HMCN1: variants seen among roughly 807,000 people sequenced by gnomAD.
HMCN1 encodes the protein hemicentin-1.
A neutral mutation model predicts 625.9 loss-of-function variants in HMCN1; 321 were observed. The observed-to-expected ratio is 0.51, with a 90% CI of 0.47 to 0.56. HMCN1 has a LOEUF of 0.56. HMCN1 is among the 20% of genes least tolerant of loss of function. HMCN1 has a pLI of 0.00. For missense variants in HMCN1, 6,588 were observed against 6,887.3 expected (o/e 0.96, Z 1.54); for synonymous variants, 2,425 against 2,417.6 (o/e 1.00, Z -0.09).
At chr1:185,993,473 A>G (rs548254806) in intron 23 of HMCN1, 164 bp downstream of exon 23, 1 of 683,094 alleles carries the variant, frequency 1.5e-6, no homozygotes, top group Admixed American at 2.5e-5. Context: ...TTACTCTGAA[A>G]AGTCTTCCTG....
chr1:185,938,187 A>G (rs988921561), intron 11 of HMCN1, among the ~76,000 whole-genome samples: 2 of 152,132 alleles, frequency 1.3e-5, no homozygotes, highest in African/African-American at 4.8e-5. Context: ...GATTGAAACT[A>G]AAGAAATAGT....
intron 1 of HMCN1, among the ~76,000 whole-genome samples, chr1:185,774,089 T>G (rs1656432520): frequency 6.6e-6 from 1 of 152,150 alleles, no homozygotes; most frequent in African/African-American, 2.4e-5. Context: ...TATAGAATAA[T>G]TACTAGGATG....
At chr1:186,098,424 A>G (rs1277470583) in intron 68 of HMCN1, among the ~76,000 whole-genome samples, 1 of 152,192 alleles carries the variant, frequency 6.6e-6, no homozygotes, top group African/African-American at 2.4e-5. Flanking sequence ...AATGGCCAAG[A>G]GGTATATGAA....
At chr1:185,875,802 T>C (rs1234145513) in intron 4 of HMCN1, among the ~76,000 whole-genome samples, 1 of 152,136 alleles carries the variant, frequency 6.6e-6, no homozygotes, top group Non-Finnish European at 1.5e-5. Context: ...TTTCTTTTTT[T>C]CTGGTCATAA....
intron 52 of HMCN1, 139 bp from the exon 53 acceptor site, chr1:186,074,602 G>A: frequency 1.4e-6 from 1 of 728,484 alleles, no homozygotes; most frequent in South Asian, 1.8e-5. Context: ...CAATTATTTT[G>A]ATTAAACTAT....
At chr1:185,894,960 T>A (rs1247768117) in intron 4 of HMCN1, among the ~76,000 whole-genome samples, 1 of 152,192 alleles carries the variant, frequency 6.6e-6, no homozygotes, top group Non-Finnish European at 1.5e-5. Flanking sequence ...TGTGGAAATC[T>A]ACTGACCATT....
chr1:185,828,202 C>T (rs1660640811), intron 1 of HMCN1, among the ~76,000 whole-genome samples: 1 of 152,022 alleles, frequency 6.6e-6, no homozygotes, highest in Non-Finnish European at 1.5e-5. Context: ...ACAGAACAGA[C>T]TGTAATGCAA....
chr1:186,029,066 T>G (rs1004017471), intron 36 of HMCN1, among the ~76,000 whole-genome samples: 60 of 152,056 alleles, frequency 3.9e-4, no homozygotes, highest in African/African-American at 1.4e-3. Flanking sequence ...GAAACTACCT[T>G]GAGGACATCT....
intron 35 of HMCN1, among the ~76,000 whole-genome samples, chr1:186,019,996 G>A (rs566364186): frequency 6.6e-6 from 1 of 151,860 alleles, no homozygotes; most frequent in Non-Finnish European, 1.5e-5. Context: ...GATGAATGAT[G>A]TTCATCAGTA....
chr1:185,886,414 G>A (rs1664653717), intron 4 of HMCN1, among the ~76,000 whole-genome samples: 1 of 152,024 alleles, frequency 6.6e-6, no homozygotes, highest in African/African-American at 2.4e-5. Flanking sequence ...TAGGTCCTAT[G>A]AAACTTGAAA....
chr1:186,081,558 C>A (rs1659173038), intron 56 of HMCN1, among the ~76,000 whole-genome samples, 164 bp downstream of exon 56: 1 of 152,150 alleles, frequency 6.6e-6, no homozygotes, highest in Non-Finnish European at 1.5e-5. Flanking sequence ...CTTCCTCATT[C>A]TATTCCCACT....
At chr1:185,768,317 A>G (rs1656001999) in intron 1 of HMCN1, among the ~76,000 whole-genome samples, 1 of 152,128 alleles carries the variant, frequency 6.6e-6, no homozygotes, top group Non-Finnish European at 1.5e-5. Flanking sequence ...TGTGTATTTC[A>G]GTCATAGATT....
intron 36 of HMCN1, among the ~76,000 whole-genome samples, chr1:186,035,921 T>G (rs1292552086): frequency 2.6e-5 from 4 of 152,188 alleles, no homozygotes; most frequent in Admixed American, 6.5e-5. Flanking sequence ...ACTGTATTTT[T>G]TGTTTCACTA....
chr1:186,125,126 GTATT>G (rs1489862627), intron 81 of HMCN1, among the ~76,000 whole-genome samples: 4 of 152,040 alleles, frequency 2.6e-5, no homozygotes, highest in Admixed American at 1.3e-4. Flanking sequence ...ACTGCAATAA[GTATT>G]TTTTTTTCTA....
In HMCN1 at chr1:186,114,044, G is replaced by A. The variant is rs1157110744; in HGVS notation, c.11197G>A (p.Glu3733Lys). 1 of 1,614,144 alleles carries A rather than the reference G, an allele frequency of 6.2e-7. No homozygotes were observed. Among genetic ancestry groups the A allele is most frequent in the South Asian group, 1.1e-5 (1 of 91,078 alleles). ...VILLNKSTVL[E>K]CIAEGVPTPR... is the part of the protein sequence containing the mutation. The stretch of plus-strand genomic sequence containing the variant: ...TCTTTTAAATAAGTCAACTGTATTG[G>A]AATGCATCGCTGAAGGTGTGCCAAC... Residue 3733 changes from glutamate to lysine, a missense_variant, in exon 73 of 107, where the codon GAA becomes AAA. This residue lies in a region of HMCN1 where 4,628 missense variants were observed against 4,853.1 expected (regional missense o/e 0.95). Transcript: ENST00000271588.
intron 4 of HMCN1, among the ~76,000 whole-genome samples, chr1:185,874,701 C>T (rs1663824294): frequency 6.6e-6 from 1 of 151,450 alleles, no homozygotes. Flanking sequence ...GTATAAGTGA[C>T]TGAATGAAGA....
chr1:186,090,858 A>C lies in HMCN1; in HGVS notation c.9828A>C (p.Pro3276=). The change falls in exon 64 of 107, where the codon CCA becomes CCC. Residue 3276 remains proline, a synonymous_variant. Coordinates refer to ENST00000271588, the MANE Select transcript of HMCN1 (RefSeq NM_031935.3). The part of the protein sequence containing the change: ...LVCNANGIPT[P]LIQWLKDGKP... ...GCAATGCAAATGGCATTCCTACTCC[A>C]CTTATTCAATGGCTTAAAGATGGAA... The C allele has an allele frequency of 6.2e-7, 1 of 1,612,598 alleles. No homozygotes were observed. The highest frequency in any genetic ancestry group is 1.1e-5 in the South Asian group (1 of 91,062).
In HMCN1 at chr1:186,145,831, G is replaced by A. The variant is rs777456781; in HGVS notation, c.14516G>A (p.Arg4839Gln). 7.4e-5 allele frequency: 119 copies of A among 1,613,944 alleles called. No homozygotes were observed. The highest frequency in any genetic ancestry group is 8.6e-5 in the Non-Finnish European group (102 of 1,180,002). The part of the protein sequence containing the change: ...SCGGGEKTRK[R>Q]LCDHPVPVKG... Reference sequence around the variant, plus strand: ...GGAGGAGGTGAAAAGACTCGGAAGCGGCTGTGCGACCATCCTGTGCCAGTT... The same window carrying A: ...GGAGGAGGTGAAAAGACTCGGAAGCAGCTGTGCGACCATCCTGTGCCAGTT... Residue 4839 changes from arginine to glutamine, a missense_variant, in exon 93 of 107, where the codon CGG (arginine) becomes CAG (glutamine). Transcript: ENST00000271588.
chr1:185,803,994 A>T (rs1184762308), intron 1 of HMCN1, among the ~76,000 whole-genome samples: 1 of 152,068 alleles, frequency 6.6e-6, no homozygotes, highest in Non-Finnish European at 1.5e-5. Flanking sequence ...TATTTTTGAA[A>T]TATTCCTCTT....
Sources: allele counts gnomAD v4.1 joint callset (sites outside exome capture counted in the v4.1 genomes callset), GRCh38; gene constraint gnomAD v4.1.1; regional missense constraint gnomAD v4.1.1; transcripts MANE v1.5; gene names NCBI Gene and HGNC (gene_info 2026-07-23, HGNC 2026-07-21).